Variants in LSAMP observed in about 807,000 individuals in gnomAD.
The protein encoded by LSAMP is limbic system associated membrane protein.
In LSAMP, 7 loss-of-function variants were observed where a neutral mutation model predicts 38.6. That is an observed-to-expected ratio of 0.18 (90% CI 0.10 to 0.34). The LOEUF is 0.34. Among genes scored for constraint, LSAMP ranks in the 10% least tolerant of loss-of-function variants. The pLI, the probability that LSAMP is intolerant of heterozygous loss-of-function variation, is 1.00. For synonymous variants in LSAMP, 154 were observed against 166.8 expected (o/e 0.92, Z 0.59); for missense variants, 313 against 420.0 (o/e 0.75, Z 2.23).
chr3:116,059,314 T>C (rs898980789), intron 2 of LSAMP, among the ~76,000 whole-genome samples: 2 of 152,228 alleles, frequency 1.3e-5, no homozygotes, highest in African/African-American at 4.8e-5. Flanking sequence ...TCTTTTCAAC[T>C]ACTCATATTT....
intron 3 of LSAMP, among the ~76,000 whole-genome samples, chr3:115,889,872 C>T (rs79473768): frequency 0.015 from 2,256 of 151,994 alleles, 54 homozygotes; most frequent in African/African-American, 0.051. Flanking sequence ...ACATACAAAT[C>T]ATATTAAGAG....
At chr3:115,878,047 G>A (rs6796507) in intron 3 of LSAMP, among the ~76,000 whole-genome samples, 5 of 151,834 alleles carry the variant, frequency 3.3e-5, no homozygotes, top group South Asian at 4.1e-4. Context: ...TGGGCCATAC[G>A]CGGAGACACG....
chr3:115,901,074 T>C (rs897456495), intron 3 of LSAMP, among the ~76,000 whole-genome samples: 1 of 152,134 alleles, frequency 6.6e-6, no homozygotes, highest in East Asian at 1.9e-4. Flanking sequence ...CTATACATGC[T>C]GAGTAAGAGA....
intron 4 of LSAMP, among the ~76,000 whole-genome samples, chr3:115,850,108 T>C (rs1935283060): frequency 6.6e-6 from 1 of 152,232 alleles, no homozygotes; most frequent in Non-Finnish European, 1.5e-5. Flanking sequence ...CCATATTCTG[T>C]GGTTCACTCA....
intron 1 of LSAMP, among the ~76,000 whole-genome samples, chr3:116,315,149 T>C (rs2047611374): frequency 6.6e-6 from 1 of 152,216 alleles, no homozygotes. Context: ...TTTTGCTTAT[T>C]CTATCCCCTC....
chr3:115,829,335 AAAG>A (rs1188770998), intron 6 of LSAMP, among the ~76,000 whole-genome samples: 2 of 152,202 alleles, frequency 1.3e-5, no homozygotes, highest in Non-Finnish European at 2.9e-5. Context: ...TCTAACCACT[AAAG>A]AAAATCAGAA....
intron 1 of LSAMP, among the ~76,000 whole-genome samples, chr3:116,307,797 A>G (rs1221792957): frequency 6.6e-6 from 1 of 151,946 alleles, no homozygotes; most frequent in East Asian, 1.9e-4. Flanking sequence ...TTTTCACATT[A>G]TAAAATTGAC....
At chr3:116,001,953 G>T (rs1436686422) in intron 3 of LSAMP, among the ~76,000 whole-genome samples, 1 of 152,072 alleles carries the variant, frequency 6.6e-6, no homozygotes, top group South Asian at 2.1e-4. Context: ...TCTTTGGGGG[G>T]TCATTATTCT....
intron 2 of LSAMP, among the ~76,000 whole-genome samples, chr3:116,042,147 T>C (rs1576327403): frequency 6.6e-6 from 1 of 152,228 alleles, no homozygotes; most frequent in African/African-American, 2.4e-5. Context: ...TGTGTAACTC[T>C]ATCAAGTTTA....
intron 6 of LSAMP, among the ~76,000 whole-genome samples, chr3:115,825,316 ATTC>A (rs1324640239): frequency 6.6e-6 from 1 of 152,204 alleles, no homozygotes; most frequent in African/African-American, 2.4e-5. Context: ...CAGCAACATT[ATTC>A]TTTGGAGTTC....
chr3:116,224,554 C>A (rs1158300672), intron 1 of LSAMP, among the ~76,000 whole-genome samples: 2 of 152,118 alleles, frequency 1.3e-5, no homozygotes, highest in Non-Finnish European at 2.9e-5. Context: ...AAAATGTTTC[C>A]TTTTTTTCTG....
intron 5 of LSAMP, 134 bp downstream of exon 5, chr3:115,842,324 A>G: frequency 1.6e-6 from 2 of 1,221,408 alleles, no homozygotes; most frequent in Non-Finnish European, 2.2e-6. Flanking sequence ...TTGATAAGAG[A>G]TACTAAAAAG....
intron 1 of LSAMP, among the ~76,000 whole-genome samples, chr3:116,338,579 T>C (rs1379923158): frequency 3.3e-5 from 5 of 152,026 alleles, no homozygotes; most frequent in Non-Finnish European, 7.4e-5. Context: ...TAGGTAGTGC[T>C]AAAATCCTTA....
chr3:116,250,131 G>C (rs1358423911), intron 1 of LSAMP, among the ~76,000 whole-genome samples: 1 of 152,132 alleles, frequency 6.6e-6, no homozygotes, highest in African/African-American at 2.4e-5. Context: ...GTGCCATATA[G>C]AATCATATTC....
At chr3:115,818,790 T>TTATATATA (rs66654115) in intron 6 of LSAMP, among the ~76,000 whole-genome samples, 867 of 69,628 alleles carry the variant, frequency 0.012, 67 homozygotes, top group Non-Finnish European at 0.019. Context: ...AGTTGTACTT[T>TTATATATA]TATATATATA....
chr3:116,317,910 C>A (rs929680582), intron 1 of LSAMP, among the ~76,000 whole-genome samples: 2 of 151,200 alleles, frequency 1.3e-5, no homozygotes, highest in African/African-American at 4.9e-5. Context: ...CTGAGGTAGG[C>A]GGATCACTTG....
intron 3 of LSAMP, among the ~76,000 whole-genome samples, chr3:115,937,992 C>T (rs1393328419): frequency 6.6e-6 from 1 of 152,064 alleles, no homozygotes; most frequent in African/African-American, 2.4e-5. Flanking sequence ...TTTATTTAAA[C>T]TATAGTCAGT....
intron 1 of LSAMP, among the ~76,000 whole-genome samples, chr3:116,384,415 C>T (rs1350982022): frequency 6.6e-6 from 1 of 152,144 alleles, no homozygotes; most frequent in Non-Finnish European, 1.5e-5. Flanking sequence ...GCATGGCCTA[C>T]ATCTCAGCCC....
chr3:115,808,148 C>CCCCCCCTT lies in LSAMP; in HGVS notation c.*2161_*2168dup, dbSNP rs1933685669. On this transcript the variant is annotated 3_prime_UTR_variant, in exon 7 of 7. Coordinates refer to ENST00000490035, the MANE Select transcript of LSAMP (RefSeq NM_002338.5). ...TCCCTCCCTCCCTCCCTCCCTCCCTCCCCCCCTTCCCCGTCCCCCCCTCCC... is the reference window on the plus strand; with the variant it reads ...TCCCTCCCTCCCTCCCTCCCTCCCTCCCCCCCTTCCCCCCTTCCCCGTCCCCCCCTCCC... 2.4e-5 allele frequency: 2 copies of CCCCCCCTT among 81,640 alleles called. No individual in the cohort carries two copies. The highest frequency in any genetic ancestry group is 4.8e-5 in the Non-Finnish European group (2 of 41,974). The allele number at this position is 81,640 out of a possible 1,614,324, so 5.1% of individuals were successfully genotyped here.
Sources: gnomAD v4.1 joint callset for allele counts (sites outside exome capture counted in the v4.1 genomes callset) on GRCh38, gnomAD v4.1.1 for gene constraint, MANE v1.5 for transcripts, NCBI Gene and HGNC (gene_info 2026-07-23, HGNC 2026-07-21) for gene names.